Variants in SLC7A14 observed in about 807,000 individuals in gnomAD.
The protein encoded by SLC7A14 is gamma-aminobutyric acid transporter SLC7A14.
A neutral mutation model predicts 60.2 loss-of-function variants in SLC7A14; 37 were observed. The observed-to-expected ratio is 0.61, with a 90% CI of 0.47 to 0.81. The LOEUF (loss-of-function observed/expected upper bound fraction) is 0.81. Among genes scored for constraint, SLC7A14 ranks in the 30% least tolerant of loss-of-function variants. The probability of loss-of-function intolerance (pLI) is 0.00; values close to 1 mark genes in which losing one functional copy is unlikely to be tolerated. For synonymous variants in SLC7A14, 399 were observed against 395.8 expected (o/e 1.01, Z -0.10); for missense variants, 886 against 982.7 (o/e 0.90, Z 1.32).
chr3:170,568,978 G>T (rs146981617), intron 1 of SLC7A14, among the ~76,000 whole-genome samples: 18 of 151,978 alleles, frequency 1.2e-4, no homozygotes, highest in Admixed American at 2.6e-4. Context: ...TGACTTCCTC[G>T]TTTCCTAATT....
At position 170,510,397 on chromosome 3, in the gene SLC7A14, AAAATAAATAAAT is replaced by A. The variant is rs1553869058; in HGVS notation, c.305-9064_305-9053del. ...AGAGCAAGACTCTGTCAAAAAAAAA[AAAATAAATAAAT>A]AAATAAATAAATAAAGAATGTAACC... On this transcript the variant is annotated intron_variant, in intron 2 of 7. Transcript: ENST00000231706. Among the ~76,000 whole-genome samples the A allele has an allele frequency of 1.1e-3, 156 of 143,696 alleles. 1 individual carries two copies. The highest frequency in any genetic ancestry group is 1.8e-3 in the East Asian group (9 of 4,964). The allele number at this position is 143,696 out of a possible 152,430, so 94.3% of individuals were successfully genotyped here.
chr3:170,565,766 T>G (rs1455388075), intron 1 of SLC7A14, among the ~76,000 whole-genome samples: 1 of 152,096 alleles, frequency 6.6e-6, no homozygotes, highest in African/African-American at 2.4e-5. Context: ...ACAGATGATC[T>G]CAGCTTCTGG....
At chr3:170,493,095 A>C (rs1712271064) in intron 4 of SLC7A14, among the ~76,000 whole-genome samples, 1 of 152,234 alleles carries the variant, frequency 6.6e-6, no homozygotes. Context: ...TATTTGCTTA[A>C]AGAAAAACTA....
rs1431597276 is a variant in SLC7A14 at position 170,464,154 on chromosome 3, T to C, written c.*2901A>G. On this transcript the variant is annotated 3_prime_UTR_variant, in exon 8 of 8. Transcript: ENST00000231706. The stretch of plus-strand genomic sequence containing the variant: ...TAATTTTTGTTTTGTATTATATATA[T>C]TTTAGTAGCTGCCTCAAATCCTTTT... The C allele has an allele frequency of 2.0e-5, 3 of 152,232 alleles. No homozygotes were observed. Among genetic ancestry groups the C allele is most frequent in the African/African-American group, 7.2e-5 (3 of 41,462 alleles). The allele number at this position is 152,232 out of a possible 1,614,324, so 9.4% of individuals were successfully genotyped here.
Position 170,480,350 on chromosome 3 carries a change from G to T in SLC7A14, c.1932C>A (p.Ile644=). ...TGGTGGAGAGCTTTAGCATGAGATAGATGTTCACCAGCATGGCAAAGGCAG... is the reference window on the plus strand; with the variant it reads ...TGGTGGAGAGCTTTAGCATGAGATATATGTTCACCAGCATGGCAAAGGCAG... ...FVPAFAMLVN[I]YLMLKLSTIT... is the part of the protein sequence containing the mutation. Residue 644 remains isoleucine, a synonymous_variant, in exon 7 of 8, where the codon ATC becomes ATA. Transcript: ENST00000231706. The T allele has an allele frequency of 1.9e-6, 3 of 1,593,192 alleles. No individual in the cohort carries two copies. Among genetic ancestry groups the T allele is most frequent in the Non-Finnish European group, 1.7e-6 (2 of 1,169,196 alleles).
At chr3:170,557,476 G>A (rs1427900146) in intron 1 of SLC7A14, among the ~76,000 whole-genome samples, 4 of 152,154 alleles carry the variant, frequency 2.6e-5, no homozygotes, top group African/African-American at 4.8e-5. Flanking sequence ...AAAGGGAAGA[G>A]GTTCCTGCCC....
At chr3:170,519,846 T>C (rs1713291437) in intron 2 of SLC7A14, among the ~76,000 whole-genome samples, 1 of 152,186 alleles carries the variant, frequency 6.6e-6, no homozygotes, top group South Asian at 2.1e-4. Flanking sequence ...TTTCCATTTT[T>C]CTTTCTGCCT....
chr3:170,567,168 C>A (rs1714817098), intron 1 of SLC7A14, among the ~76,000 whole-genome samples: 1 of 123,270 alleles, frequency 8.1e-6, no homozygotes, highest in Non-Finnish European at 1.6e-5. Context: ...CTCCCCCCAC[C>A]CCACAACAGT....
At chr3:170,492,192 C>T (rs1361907032) in intron 4 of SLC7A14, among the ~76,000 whole-genome samples, 1 of 152,144 alleles carries the variant, frequency 6.6e-6, no homozygotes, top group East Asian at 1.9e-4. Flanking sequence ...CATAAAAGCA[C>T]ATGTGCAGTA....
At chr3:170,483,250 G>A (rs1433688738) in intron 6 of SLC7A14, 64 bp downstream of exon 6, 20 of 1,568,770 alleles carry the variant, frequency 1.3e-5, no homozygotes, top group Middle Eastern at 2.0e-4. Context: ...TCTGACAGTG[G>A]GTAGACATTC....
chr3:170,567,332 A>G (rs1422755564), intron 1 of SLC7A14, among the ~76,000 whole-genome samples: 1 of 151,576 alleles, frequency 6.6e-6, no homozygotes, highest in Non-Finnish European at 1.5e-5. Context: ...TACAAAGGAC[A>G]TGAACTCATC....
chr3:170,531,804 T>C (rs1304547849), intron 1 of SLC7A14, among the ~76,000 whole-genome samples: 1 of 152,188 alleles, frequency 6.6e-6, no homozygotes, highest in East Asian at 1.9e-4. Flanking sequence ...ACTTCACAGC[T>C]ATAACTAAGG....
chr3:170,495,155 C>T lies in SLC7A14; in HGVS notation c.759+3512G>A, dbSNP rs757520524. Among the ~76,000 whole-genome samples the T allele has an allele frequency of 1.3e-5, 2 of 152,222 alleles. 1 individual carries two copies. The highest frequency in any genetic ancestry group is 2.9e-5 in the Non-Finnish European group (2 of 68,050). The stretch of plus-strand genomic sequence containing the variant: ...TAGTTTTAACTATTGACAACCGTAA[C>T]AAGCTGCACATAAAAACATCCAAGA... On this transcript the variant is annotated intron_variant, in intron 4 of 7. Coordinates refer to ENST00000231706, the MANE Select transcript of SLC7A14 (RefSeq NM_020949.3).
At chr3:170,551,130 A>G in intron 1 of SLC7A14, among the ~76,000 whole-genome samples, 1 of 152,176 alleles carries the variant, frequency 6.6e-6, no homozygotes, top group East Asian at 1.9e-4. Context: ...CATTTCACAT[A>G]AATTCAGTAA....
At chr3:170,513,315 T>C (rs1218073231) in intron 2 of SLC7A14, among the ~76,000 whole-genome samples, 1 of 152,224 alleles carries the variant, frequency 6.6e-6, no homozygotes, top group Non-Finnish European at 1.5e-5. Context: ...TTTGTATCTA[T>C]ACTTCACATA....
At chr3:170,510,407 AATAAAT>A (rs1712941257) in intron 2 of SLC7A14, among the ~76,000 whole-genome samples, 27 of 143,744 alleles carry the variant, frequency 1.9e-4, no homozygotes, top group South Asian at 9.0e-4. Context: ...AAAATAAATA[AATAAAT>A]AAATAAATAA....
chr3:170,580,918 C>T (rs181955043), intron 1 of SLC7A14, among the ~76,000 whole-genome samples: 12 of 152,236 alleles, frequency 7.9e-5, no homozygotes, highest in Middle Eastern at 3.4e-3. Flanking sequence ...GTATCAAAAT[C>T]GTGAGCCACT....
At chr3:170,515,067 C>T (rs1713106955) in intron 2 of SLC7A14, among the ~76,000 whole-genome samples, 1 of 152,078 alleles carries the variant, frequency 6.6e-6, no homozygotes, top group Non-Finnish European at 1.5e-5. Flanking sequence ...AATCCCAGCA[C>T]TTTGGGAGGC....
At chr3:170,496,771 G>A (rs1454813520) in intron 4 of SLC7A14, 10 of 723,486 alleles carry the variant, frequency 1.4e-5, no homozygotes, top group Non-Finnish European at 2.3e-5. Context: ...TGGCTCTGTC[G>A]CGGGCTCCAG....
Sources: gnomAD v4.1 joint callset for allele counts (sites outside exome capture counted in the v4.1 genomes callset) on GRCh38, gnomAD v4.1.1 for gene constraint, MANE v1.5 for transcripts, NCBI Gene and HGNC (gene_info 2026-07-23, HGNC 2026-07-21) for gene names.